OIP5: variants seen among roughly 807,000 people sequenced by gnomAD.
OIP5 encodes Opa interacting protein 5.
Under a neutral mutation model 20.3 loss-of-function variants are expected in OIP5, and 24 were observed. The ratio of observed to expected loss-of-function variants is 1.18; its 90% CI spans 0.86 to 1.66. OIP5 has a LOEUF of 1.66. Among genes scored for constraint, OIP5 ranks in the 40% most tolerant of loss-of-function variants. OIP5 has a pLI of 0.00. For missense variants in OIP5, 339 were observed against 289.5 expected, an observed-to-expected ratio of 1.17 and a Z score of -1.24; for synonymous variants, 143 against 121.3, an observed-to-expected ratio of 1.18 and a Z score of -1.17.
chr15:41,329,723 G>A (rs28578057), intron 2 of OIP5, among the ~76,000 whole-genome samples: 57,565 of 150,904 alleles, frequency 0.38, 12,061 homozygotes, highest in African/African-American at 0.57. Context: ...TTTTTTTGAG[G>A]AAGAGTCTCG....
intron 2 of OIP5, among the ~76,000 whole-genome samples, chr15:41,323,554 T>C (rs948772981): frequency 2.0e-5 from 3 of 152,096 alleles, no homozygotes; most frequent in Non-Finnish European, 2.9e-5. Context: ...CACTACAGCC[T>C]TGACATCCCA....
At chr15:41,316,905 C>T (rs968881530) in intron 3 of OIP5, among the ~76,000 whole-genome samples, 1 of 151,960 alleles carries the variant, frequency 6.6e-6, no homozygotes, top group East Asian at 1.9e-4. Context: ...CCTCTTTGAG[C>T]CCTAGTTTTC....
intron 2 of OIP5, among the ~76,000 whole-genome samples, chr15:41,322,114 G>A (rs947912017): frequency 6.6e-6 from 1 of 152,012 alleles, no homozygotes; most frequent in African/African-American, 2.4e-5. Flanking sequence ...CATATTTGCT[G>A]GTATATAAGA....
At chr15:41,318,287 G>A (rs566762252) in intron 3 of OIP5, among the ~76,000 whole-genome samples, 5 of 152,112 alleles carry the variant, frequency 3.3e-5, no homozygotes, top group South Asian at 2.1e-4. Flanking sequence ...CTCACCTCCC[G>A]AGTAGCTGCG....
intron 3 of OIP5, among the ~76,000 whole-genome samples, chr15:41,315,373 G>A (rs564131789): frequency 6.6e-6 from 1 of 150,890 alleles, no homozygotes; most frequent in East Asian, 2.0e-4. Flanking sequence ...AGGTTGCAAT[G>A]AGCTGAGATC....
intron 2 of OIP5, among the ~76,000 whole-genome samples, chr15:41,321,341 A>T (rs1032289369): frequency 3.2e-4 from 47 of 148,298 alleles, no homozygotes; most frequent in African/African-American, 1.1e-3. Flanking sequence ...CCCGTCCGCG[A>T]GGTGATGGGC....
At chr15:41,317,387 T>C (rs1390870426) in intron 3 of OIP5, among the ~76,000 whole-genome samples, 1 of 151,334 alleles carries the variant, frequency 6.6e-6, no homozygotes, top group African/African-American at 2.4e-5. Context: ...TTTTCTTTTT[T>C]TTTTTTTTTT....
chr15:41,320,337 G>A (rs1485014575), intron 2 of OIP5, among the ~76,000 whole-genome samples: 1 of 152,124 alleles, frequency 6.6e-6, no homozygotes, highest in Non-Finnish European at 1.5e-5. Context: ...AGCCAAAGCT[G>A]GACTGTACTG....
chr15:41,330,121 G>A (rs7176635), intron 2 of OIP5, among the ~76,000 whole-genome samples: 5,972 of 151,220 alleles, frequency 0.039, 240 homozygotes, highest in African/African-American at 0.1. Context: ...ACAGAGTTTC[G>A]CTCTCGTTGC....
At position 41,332,350 on chromosome 15, in the gene OIP5, T is replaced by G; in HGVS notation, c.212A>C (p.Gln71Pro). Residue 71 changes from glutamine (Q) to proline (P), a missense_variant, in exon 1 of 5, where the codon CAG becomes CCG. Physicochemically the swap from Gln to Pro is moderately conservative, Grantham distance 76. Transcript: ENST00000220514. ...AAGPQLPSWL[Q>P]PERCAVFQCA... is the part of the protein sequence containing the mutation. ...CTGGAACACAGCGCACCTCTCAGGC[T>G]GCAGCCAAGACGGCAGCTGCGGGCC... 6.2e-7 allele frequency: 1 copy of G among 1,612,570 alleles called. No homozygotes were observed.
At chr15:41,314,246 C>T (rs893433971) in intron 3 of OIP5, among the ~76,000 whole-genome samples, 3 of 152,042 alleles carry the variant, frequency 2.0e-5, no homozygotes, top group Non-Finnish European at 4.4e-5. Flanking sequence ...GGATTACAGG[C>T]TTGCGCCACC....
chr15:41,321,786 C>CGGAA (rs2047831245), intron 2 of OIP5, among the ~76,000 whole-genome samples: 1 of 151,164 alleles, frequency 6.6e-6, no homozygotes, highest in Admixed American at 6.6e-5. Context: ...ACAAACACTG[C>CGGAA]GGAAGGCCGC....
rs138138511 is a variant in OIP5 at position 41,324,142 on chromosome 15, C to T, written c.390-4362G>A. Among the ~76,000 whole-genome samples, 629 of 151,996 alleles carry T rather than the reference C, an allele frequency of 4.1e-3. 8 individuals are homozygous for T. The highest frequency in any genetic ancestry group is 0.014 in the African/African-American group (584 of 41,476). ...CCAAGCAGCTGGGACTATAGGTGTG[C>T]GCCACCACATCCGGCTAAATTTTTT... On this transcript the variant is annotated intron_variant, in intron 2 of 4. Coordinates refer to ENST00000220514, the MANE Select transcript of OIP5 (RefSeq NM_007280.2).
At chr15:41,326,729 T>C (rs1374791575) in intron 2 of OIP5, among the ~76,000 whole-genome samples, 2 of 152,126 alleles carry the variant, frequency 1.3e-5, no homozygotes, top group African/African-American at 4.8e-5. Flanking sequence ...CCCGGCCCCA[T>C]GTTTTTAACA....
At chr15:41,332,168 C>T (rs577142275) in intron 1 of OIP5, 72 bp downstream of exon 1, 1 of 1,485,404 alleles carries the variant, frequency 6.7e-7, no homozygotes, top group Admixed American at 2.0e-5. Flanking sequence ...GGTTCTCCGC[C>T]ACCCGGTGGA....
rs894862984 is a variant in OIP5 at position 41,327,480 on chromosome 15, A to T, written c.389+4435T>A. On this transcript the variant is annotated intron_variant, in intron 2 of 4. Coordinates refer to ENST00000220514, the MANE Select transcript of OIP5 (RefSeq NM_007280.2). ...GCGTGAGTCACTGTACCCAGCCAGA[A>T]TTGGGATATATCTTTAAAAAGAAAA... Among the ~76,000 whole-genome samples, 8 of 149,662 alleles carry T rather than the reference A, an allele frequency of 5.3e-5. No homozygotes were observed. In the South Asian group the frequency reaches 1.8e-3, roughly 33 times the overall value.
intron 4 of OIP5, among the ~76,000 whole-genome samples, chr15:41,311,648 A>G (rs1184047830): frequency 6.6e-6 from 1 of 151,664 alleles, no homozygotes; most frequent in Non-Finnish European, 1.5e-5. Context: ...GCTCACTGCA[A>G]CCTCTGCCAT....
intron 2 of OIP5, among the ~76,000 whole-genome samples, chr15:41,329,425 C>G (rs181265569): frequency 3.3e-5 from 5 of 150,640 alleles, no homozygotes; most frequent in Admixed American, 2.7e-4. Context: ...AAGCCATTCT[C>G]CTGCCTCAGC....
chr15:41,326,539 T>C (rs1164047128), intron 2 of OIP5, among the ~76,000 whole-genome samples: 1 of 152,198 alleles, frequency 6.6e-6, no homozygotes, highest in African/African-American at 2.4e-5. Context: ...TTCTCCTGAC[T>C]CGGCCTCCCA....
Sources: allele counts gnomAD v4.1 joint callset (sites outside exome capture counted in the v4.1 genomes callset), GRCh38; gene constraint gnomAD v4.1.1; transcripts MANE v1.5; gene names NCBI Gene and HGNC (gene_info 2026-07-23, HGNC 2026-07-21).